NUDCD3: variants seen among roughly 807,000 people sequenced by gnomAD.
NUDCD3 encodes nudC domain-containing protein 3.
Under a neutral mutation model 39.7 loss-of-function variants are expected in NUDCD3, and 13 were observed. The observed-to-expected ratio is 0.33, with a 90% CI of 0.21 to 0.52. NUDCD3 has a LOEUF of 0.52. Ranked by LOEUF, NUDCD3 falls within the 20% of genes least tolerant of loss-of-function variation. NUDCD3 has a pLI of 0.96. For synonymous variants in NUDCD3, 175 were observed against 172.4 expected, an observed-to-expected ratio of 1.02 and a Z score of -0.12; for missense variants, 453 against 458.1, an observed-to-expected ratio of 0.99 and a Z score of 0.10.
chr7:44,398,414 G>A (rs532975107), intron 4 of NUDCD3, among the ~76,000 whole-genome samples: 20 of 152,130 alleles, frequency 1.3e-4, no homozygotes, highest in Non-Finnish European at 2.1e-4. Flanking sequence ...GACTTTGATG[G>A]TGCTCAATCA....
chr7:44,430,554 C>CACA (rs759005189), intron 2 of NUDCD3, among the ~76,000 whole-genome samples: 598 of 140,844 alleles, frequency 4.2e-3, no homozygotes, highest in African/African-American at 9.3e-3. Flanking sequence ...AATAAAATAC[C>CACA]CACACACACA....
At chr7:44,463,987 G>A (rs148759955) in intron 2 of NUDCD3, among the ~76,000 whole-genome samples, 2,543 of 152,174 alleles carry the variant, frequency 0.017, 57 homozygotes, top group African/African-American at 0.057. Flanking sequence ...GCTGCGGCAG[G>A]TGGATCATCT....
Position 44,463,418 on chromosome 7 carries a change from A to T in NUDCD3, c.509+21550T>A, listed in dbSNP as rs112055041. On this transcript the variant is annotated intron_variant, in intron 2 of 5. Transcript: ENST00000355451. ...GTCCATGCCCAGCCAAGCCACCAACAATGTCTAGAGACCAACTTTGGAAAA... is the reference window on the plus strand; with the variant it reads ...GTCCATGCCCAGCCAAGCCACCAACTATGTCTAGAGACCAACTTTGGAAAA... 7.7e-3 allele frequency among the ~76,000 whole-genome samples: 1,175 copies of T among 152,320 alleles called. 6 individuals carry two copies. The highest frequency in any genetic ancestry group is 0.02 in the Middle Eastern group (6 of 294).
chr7:44,455,407 T>C (rs569879153), intron 2 of NUDCD3, among the ~76,000 whole-genome samples: 1 of 152,226 alleles, frequency 6.6e-6, no homozygotes, highest in South Asian at 2.1e-4. Context: ...AGTCCTCACT[T>C]CTTCCCATCA....
At chr7:44,438,959 A>AG (rs1479474605) in intron 2 of NUDCD3, among the ~76,000 whole-genome samples, 1 of 152,206 alleles carries the variant, frequency 6.6e-6, no homozygotes, top group Non-Finnish European at 1.5e-5. Context: ...AAAGGAGGTA[A>AG]GAACAGAAGT....
chr7:44,436,915 C>T (rs117175530), intron 2 of NUDCD3, among the ~76,000 whole-genome samples: 2,036 of 152,168 alleles, frequency 0.013, 16 homozygotes, highest in Middle Eastern at 0.024. Flanking sequence ...TATAGTCAAA[C>T]GCACCAATCT....
At chr7:44,396,757 T>C (rs1798633513) in intron 4 of NUDCD3, among the ~76,000 whole-genome samples, 2 of 152,226 alleles carry the variant, frequency 1.3e-5, no homozygotes, top group Admixed American at 1.3e-4. Flanking sequence ...GCCTCAGATA[T>C]GACTTCTGGT....
At chr7:44,476,211 A>C (rs894652845) in intron 2 of NUDCD3, among the ~76,000 whole-genome samples, 3 of 152,222 alleles carry the variant, frequency 2.0e-5, no homozygotes, top group African/African-American at 7.2e-5. Context: ...CACGGAAAGA[A>C]GTCTCAGGCC....
At chr7:44,474,839 T>C (rs1407223344) in intron 2 of NUDCD3, among the ~76,000 whole-genome samples, 1 of 152,174 alleles carries the variant, frequency 6.6e-6, no homozygotes, top group Admixed American at 6.6e-5. Flanking sequence ...GCCTGAGCTT[T>C]CTTAAAGAAG....
rs1467964383 is a variant in NUDCD3 at position 44,381,894 on chromosome 7, C to A, written c.*4117G>T. ...AGCGCATACCCCCAGAGTGTTCTGG[C>A]AGACCTGTGCCAGCTGGGTTCAGTG... On this transcript the variant is annotated 3_prime_UTR_variant, in exon 6 of 6. Transcript: ENST00000355451. The A allele has an allele frequency of 6.6e-6, 1 of 152,270 alleles. No homozygotes were observed. Among genetic ancestry groups the A allele is most frequent in the Non-Finnish European group, 1.5e-5 (1 of 68,072 alleles). The allele number at this position is 152,270 out of a possible 1,614,324, so 9.4% of individuals were successfully genotyped here. A position where few individuals can be genotyped will look rare whatever the true frequency, so the allele number is the denominator to read the frequency against.
chr7:44,390,290 G>C (rs1488616608), intron 5 of NUDCD3, among the ~76,000 whole-genome samples: 2 of 152,138 alleles, frequency 1.3e-5, no homozygotes, highest in African/African-American at 4.8e-5. Context: ...CTTGAACCTG[G>C]GAGGCGGAGG....
intron 3 of NUDCD3, among the ~76,000 whole-genome samples, chr7:44,410,136 GA>G: frequency 1.3e-5 from 2 of 152,088 alleles, no homozygotes; most frequent in African/African-American, 4.8e-5. Context: ...AATTTGACAT[GA>G]AAAAAATTAC....
At chr7:44,407,882 C>A (rs1291056518) in intron 3 of NUDCD3, among the ~76,000 whole-genome samples, 1 of 151,938 alleles carries the variant, frequency 6.6e-6, no homozygotes, top group Non-Finnish European at 1.5e-5. Flanking sequence ...TCAATTCAGG[C>A]AATCAATTTG....
chr7:44,394,527 C>G (rs1798583859), intron 4 of NUDCD3, among the ~76,000 whole-genome samples: 2 of 152,212 alleles, frequency 1.3e-5, no homozygotes, highest in South Asian at 4.1e-4. Flanking sequence ...CTGTAAATCT[C>G]TGGAAAGAAG....
At chr7:44,459,756 T>C (rs998178287) in intron 2 of NUDCD3, among the ~76,000 whole-genome samples, 13 of 152,170 alleles carry the variant, frequency 8.5e-5, no homozygotes, top group Admixed American at 1.3e-4. Context: ...TGAGGACACA[T>C]GAGATTTGTA....
At chr7:44,440,375 G>T (rs541322193) in intron 2 of NUDCD3, among the ~76,000 whole-genome samples, 58 of 151,300 alleles carry the variant, frequency 3.8e-4, no homozygotes, top group Non-Finnish European at 7.2e-4. Flanking sequence ...AAAATCAAAA[G>T]AAGATGGAAA....
intron 4 of NUDCD3, among the ~76,000 whole-genome samples, chr7:44,394,804 A>G (rs918925408): frequency 2.0e-5 from 3 of 152,192 alleles, no homozygotes; most frequent in Non-Finnish European, 4.4e-5. Flanking sequence ...CATACCATCC[A>G]GGGGACGGTG....
chr7:44,413,629 G>A (rs950103966), intron 3 of NUDCD3, among the ~76,000 whole-genome samples: 5 of 152,148 alleles, frequency 3.3e-5, no homozygotes, highest in South Asian at 2.1e-4. Context: ...TTCAACTTAC[G>A]AAACCCCAAA....
At chr7:44,436,260 T>G (rs987110047) in intron 2 of NUDCD3, among the ~76,000 whole-genome samples, 1 of 152,198 alleles carries the variant, frequency 6.6e-6, no homozygotes, top group African/African-American at 2.4e-5. Context: ...TTACATGATG[T>G]CTGGGATTTG....
Sources: allele counts gnomAD v4.1 joint callset (sites outside exome capture counted in the v4.1 genomes callset), GRCh38; gene constraint gnomAD v4.1.1; transcripts MANE v1.5; gene names NCBI Gene and HGNC (gene_info 2026-07-23, HGNC 2026-07-21).